The following ACTR3C variants were observed in gnomAD, a reference collection of about 807,000 sequenced individuals.
ACTR3C encodes the protein actin-related protein 3C.
ACTR3C carries 18 observed loss-of-function variants against 26.3 expected under a neutral mutation model. That is an observed-to-expected ratio of 0.68 (90% confidence interval 0.47 to 1.01). ACTR3C has a LOEUF of 1.01. Among genes scored for constraint, ACTR3C ranks in the 50% least tolerant of loss-of-function variants. The probability of loss-of-function intolerance (pLI) is 0.00; values close to 1 mark genes in which losing one functional copy is unlikely to be tolerated. For missense variants in ACTR3C, 184 were observed against 250.7 expected (o/e 0.73, Z 1.80); for synonymous variants, 55 against 94.5 (o/e 0.58, Z 2.42).
At chr7:150,149,343 G>A in the ACTR3C span, among the ~76,000 whole-genome samples, 11 of 151,308 alleles carry the variant, frequency 7.3e-5, no homozygotes, top group African/African-American at 2.4e-4. Flanking sequence ...ATGCACTAGT[G>A]TTTTTTTTAT....
chr7:150,190,667 C>T, the ACTR3C span, among the ~76,000 whole-genome samples: 4 of 152,156 alleles, frequency 2.6e-5, no homozygotes, highest in East Asian at 1.9e-4. Context: ...TTATGTGAGT[C>T]TATTTCTGGA....
the ACTR3C span, among the ~76,000 whole-genome samples, chr7:149,918,456 C>A: frequency 7.7e-4 from 117 of 152,296 alleles, no homozygotes; most frequent in South Asian, 0.023. Flanking sequence ...TTCGGGAGGC[C>A]GAGGCAGGCG....
the ACTR3C span, among the ~76,000 whole-genome samples, chr7:150,039,038 C>G: frequency 4.6e-5 from 6 of 131,634 alleles, no homozygotes; most frequent in South Asian, 5.0e-4. Flanking sequence ...AGTAATCCCA[C>G]GTAAGGTACC....
intron 6 of ACTR3C, among the ~76,000 whole-genome samples, chr7:150,256,807 A>G (rs1158708952): frequency 1.3e-5 from 2 of 152,252 alleles, no homozygotes; most frequent in African/African-American, 4.8e-5. Flanking sequence ...AGCAGAAAGC[A>G]AAAACAAAAT....
At chr7:150,228,224 T>G in the ACTR3C span, among the ~76,000 whole-genome samples, 1 of 152,250 alleles carries the variant, frequency 6.6e-6, no homozygotes, top group South Asian at 2.1e-4. Context: ...TGTTCACATT[T>G]GTCCATATGT....
At chr7:150,170,426 C>T in the ACTR3C span, among the ~76,000 whole-genome samples, 6 of 129,050 alleles carry the variant, frequency 4.6e-5, 1 homozygote, top group African/African-American at 1.7e-4. Context: ...GGTATTTTAC[C>T]CTCCTGGAAT....
the ACTR3C span, among the ~76,000 whole-genome samples, chr7:150,085,018 C>T: frequency 1.4e-3 from 212 of 152,170 alleles, no homozygotes; most frequent in African/African-American, 4.7e-3. Flanking sequence ...GGAAAGTGAA[C>T]GAATGACAAC....
the ACTR3C span, among the ~76,000 whole-genome samples, chr7:149,980,786 C>T: frequency 1.3e-5 from 2 of 152,196 alleles, no homozygotes; most frequent in African/African-American, 4.8e-5. Flanking sequence ...TGTGTAAAGA[C>T]CTTGTGACTA....
At chr7:150,146,820 C>T in the ACTR3C span, among the ~76,000 whole-genome samples, 3 of 152,176 alleles carry the variant, frequency 2.0e-5, no homozygotes, top group African/African-American at 7.2e-5. Flanking sequence ...TGCTAAATAA[C>T]TGATGTATTT....
the ACTR3C span, among the ~76,000 whole-genome samples, chr7:150,066,722 C>T: frequency 2.0e-5 from 3 of 152,204 alleles, no homozygotes; most frequent in Admixed American, 1.3e-4. Context: ...TTCTGTTAAT[C>T]TCTATAAACA....
the ACTR3C span, among the ~76,000 whole-genome samples, chr7:150,112,927 G>C: frequency 1.3e-5 from 2 of 152,122 alleles, no homozygotes; most frequent in African/African-American, 4.8e-5. Flanking sequence ...TTATGCTGCT[G>C]CATCACTCTC....
At chr7:150,266,006 CTG>C (rs1355284822) in intron 6 of ACTR3C, among the ~76,000 whole-genome samples, 1 of 151,446 alleles carries the variant, frequency 6.6e-6, no homozygotes, top group African/African-American at 2.4e-5. Context: ...CTTTAATCTG[CTG>C]TTCCTATTCC....
At chr7:150,163,709 C>A in the ACTR3C span, among the ~76,000 whole-genome samples, 1 of 151,924 alleles carries the variant, frequency 6.6e-6, no homozygotes, top group Non-Finnish European at 1.5e-5. Context: ...GAGACAGTGG[C>A]GTGAATCCGA....
chr7:150,237,469 G>A, the ACTR3C span, among the ~76,000 whole-genome samples: 1 of 151,858 alleles, frequency 6.6e-6, no homozygotes, highest in African/African-American at 2.4e-5. Flanking sequence ...ATAACTTTGA[G>A]GCACATGTCC....
chr7:150,313,438 G>A (rs144629527), intron 1 of ACTR3C, among the ~76,000 whole-genome samples: 3 of 152,366 alleles, frequency 2.0e-5, no homozygotes, highest in Admixed American at 6.5e-5. Context: ...GGGTTATGAT[G>A]ATAAGGGATT....
chr7:149,967,120 C>T, the ACTR3C span, among the ~76,000 whole-genome samples: 5 of 137,950 alleles, frequency 3.6e-5, no homozygotes, highest in East Asian at 2.3e-4. Context: ...CTGCAAGCTC[C>T]GCCTCCTGGG....
At chr7:149,900,010 A>G in the ACTR3C span, among the ~76,000 whole-genome samples, 4 of 142,766 alleles carry the variant, frequency 2.8e-5, no homozygotes, top group African/African-American at 1.0e-4. Context: ...AGAACTGTCC[A>G]TCCAGAATTC....
At chr7:149,946,774 C>T in the ACTR3C span, among the ~76,000 whole-genome samples, 13 of 150,426 alleles carry the variant, frequency 8.6e-5, no homozygotes, top group South Asian at 4.2e-4. Context: ...CTAAACCTCC[C>T]CGTGAAGGTG....
chr7:149,941,684 G>C, the ACTR3C span, among the ~76,000 whole-genome samples: 2 of 152,204 alleles, frequency 1.3e-5, no homozygotes, highest in East Asian at 3.8e-4. Flanking sequence ...CTTACCCAAT[G>C]CCCAGGACAT....
Sources: allele counts gnomAD v4.1 joint callset (sites outside exome capture counted in the v4.1 genomes callset), GRCh38; gene constraint gnomAD v4.1.1; transcripts MANE v1.5; gene names NCBI Gene and HGNC (gene_info 2026-07-23, HGNC 2026-07-21).